DOK7: variants seen among roughly 807,000 people sequenced by gnomAD.
The protein encoded by DOK7 is protein Dok-7.
Under a neutral mutation model 30.7 loss-of-function variants are expected in DOK7, and 32 were observed. The observed-to-expected ratio is 1.04, with a 90% CI of 0.79 to 1.40. The LOEUF (loss-of-function observed/expected upper bound fraction) is 1.40, where lower values mean the gene tolerates loss of function less well. Ranked by LOEUF, DOK7 falls within the 40% of genes most tolerant of loss-of-function variation. DOK7 has a pLI of 0.00. For missense variants in DOK7, 1,007 were observed against 699.2 expected (o/e 1.44, Z -4.97); for synonymous variants, 447 against 324.1 (o/e 1.38, Z -4.07).
At chr4:3,468,261 C>T (rs985356902) in intron 2 of DOK7, among the ~76,000 whole-genome samples, 8 of 149,994 alleles carry the variant, frequency 5.3e-5, no homozygotes, top group Admixed American at 1.3e-4. Flanking sequence ...TGTGTGTCCG[C>T]GTGCATGTGA....
intron 5 of DOK7, among the ~76,000 whole-genome samples, chr4:3,488,393 C>T (rs1727952107): frequency 6.6e-6 from 1 of 152,238 alleles, no homozygotes; most frequent in Non-Finnish European, 1.5e-5. Context: ...AAGGCATCAG[C>T]AGAGGACAGT....
chr4:3,468,156 G>A (rs1392113304), intron 2 of DOK7, among the ~76,000 whole-genome samples: 2 of 147,248 alleles, frequency 1.4e-5, no homozygotes, highest in Non-Finnish European at 2.9e-5. Flanking sequence ...GTATGCAAGT[G>A]TGTGTGTGCA....
intron 5 of DOK7, among the ~76,000 whole-genome samples, chr4:3,488,417 C>A (rs1216281608): frequency 2.6e-5 from 4 of 152,364 alleles, no homozygotes; most frequent in Non-Finnish European, 5.9e-5. Context: ...CTATCAGGGA[C>A]AGGGCCTCTT....
In DOK7 at chr4:3,500,404, G is replaced by A. The variant is rs1729133391; in HGVS notation, c.1261+1G>A. The A allele has an allele frequency of 2.6e-6, 4 of 1,535,710 alleles. No homozygotes were observed. Among genetic ancestry groups the A allele is most frequent in the Non-Finnish European group, 3.5e-6 (4 of 1,146,748 alleles). On this transcript the variant is annotated splice_donor_variant, in intron 7 of 7. Transcript: ENST00000643608. LOFTEE classifies it high-confidence loss of function. ...CAGGAGGCCAGCGAGGGTGTCCGAGGTGGGTCCCCGCCCTGCGTGGAGGCA... is the reference window on the plus strand; with the variant it reads ...CAGGAGGCCAGCGAGGGTGTCCGAGATGGGTCCCCGCCCTGCGTGGAGGCA...
At chr4:3,486,603 G>A (rs1416636643) in intron 5 of DOK7, among the ~76,000 whole-genome samples, 2 of 152,226 alleles carry the variant, frequency 1.3e-5, no homozygotes, top group Non-Finnish European at 2.9e-5. Flanking sequence ...CTGGGAGTGG[G>A]GAGGTGGCAC....
chr4:3,487,629 G>C (rs7687090), intron 5 of DOK7, among the ~76,000 whole-genome samples: 1,859 of 152,308 alleles, frequency 0.012, 40 homozygotes, highest in African/African-American at 0.042. Context: ...GCCTCCACGG[G>C]GGTGCACCGT....
In DOK7 at chr4:3,487,943, C is replaced by T. The variant is rs577921668; in HGVS notation, c.653-1734C>T. 5.3e-5 allele frequency among the ~76,000 whole-genome samples: 8 copies of T among 152,354 alleles called. No homozygotes were observed. In the East Asian group the frequency reaches 1.2e-3, roughly 22 times the overall value. ...AGGAGCCAGGACTGGTGCCTGCTGT[C>T]CTGCCCACGTGGCTGAATGTGTCTG... On this transcript the variant is annotated intron_variant, in intron 5 of 6. Transcript: ENST00000340083.
intron 4 of DOK7, among the ~76,000 whole-genome samples, chr4:3,483,536 C>G (rs947279590): frequency 2.6e-5 from 4 of 152,160 alleles, no homozygotes; most frequent in African/African-American, 9.7e-5. Flanking sequence ...CGTGGGAGCC[C>G]GAGGCTGGCG....
intron 4 of DOK7, chr4:3,484,968 C>A: frequency 1.2e-6 from 1 of 802,444 alleles, no homozygotes; most frequent in Non-Finnish European, 1.5e-6. Flanking sequence ...CAGCTCCCTT[C>A]TCCTGTGGCC....
chr4:3,490,110 C>CCTTTCATTCCTTTTCTCCCTGCT (rs112331566), intron 6 of DOK7, among the ~76,000 whole-genome samples: 1 of 52,736 alleles, frequency 1.9e-5, no homozygotes, highest in Non-Finnish European at 3.3e-5. Context: ...TTCTTCACCC[C>CCTTTCATTCCTTTTCTCCCTGCT]CATTCATTCC....
intron 4 of DOK7, chr4:3,484,525 G>A (rs1015932423): frequency 1.0e-6 from 1 of 985,530 alleles, no homozygotes; most frequent in Non-Finnish European, 1.2e-6. Context: ...CCAGCCGGGT[G>A]CAGCCAGCCC....
At chr4:3,483,189 T>TGGCAG in intron 4 of DOK7, among the ~76,000 whole-genome samples, 1 of 5,004 alleles carries the variant, frequency 2.0e-4, no homozygotes, top group Admixed American at 2.6e-3. Context: ...TGAGTGGAGA[T>TGGCAG]GTAGGGGTGT....
chr4:3,463,715 A>C (rs909632820), intron 2 of DOK7, among the ~76,000 whole-genome samples, 164 bp downstream of exon 2: 2 of 152,116 alleles, frequency 1.3e-5, no homozygotes, highest in Non-Finnish European at 1.5e-5. Context: ...CTGGGAGCGC[A>C]GGTGGGGGCC....
At chr4:3,477,705 G>A (rs567042170) in intron 4 of DOK7, among the ~76,000 whole-genome samples, 4 of 152,198 alleles carry the variant, frequency 2.6e-5, no homozygotes, top group Non-Finnish European at 5.9e-5. Context: ...GAGCTGGCCC[G>A]GAGTCTCGGC....
intron 2 of DOK7, among the ~76,000 whole-genome samples, chr4:3,466,856 C>T (rs560742826): frequency 2.6e-5 from 4 of 152,352 alleles, no homozygotes; most frequent in South Asian, 4.1e-4. Flanking sequence ...CACCACACCT[C>T]CAACACCTGT....
rs147025632 is a variant in DOK7, at chr4:3,488,989, G to A, written c.653-688G>A. On this transcript the variant is annotated intron_variant, in intron 5 of 6. Transcript: ENST00000340083. The stretch of plus-strand genomic sequence containing the variant: ...CAGTGATGCTGAGGCTCGCAGCAGC[G>A]GTGCTGAGGGGCCAGTGAGAGGTCC... Among the ~76,000 whole-genome samples, 990 of 152,336 alleles carry A rather than the reference G, an allele frequency of 6.5e-3. 5 individuals carry two copies. Among genetic ancestry groups the A allele is most frequent in the Non-Finnish European group, 0.011 (751 of 68,018 alleles).
At chr4:3,486,696 G>A (rs1395672185) in intron 5 of DOK7, among the ~76,000 whole-genome samples, 1 of 83,368 alleles carries the variant, frequency 1.2e-5, no homozygotes, top group Non-Finnish European at 2.5e-5. Flanking sequence ...CCTAGTGGAT[G>A]CACCCCTGCA....
intron 4 of DOK7, chr4:3,484,447 T>G: frequency 3.1e-6 from 3 of 976,848 alleles, no homozygotes; most frequent in Non-Finnish European, 3.6e-6. Context: ...CTGCGTACCT[T>G]TCTTTGGGCA....
chr4:3,497,498 A>T (rs7661518), downstream of DOK7, among the ~76,000 whole-genome samples: 18,830 of 151,932 alleles, frequency 0.12, 1,253 homozygotes, highest in African/African-American at 0.14. Context: ...AGCCCTGCTG[A>T]AGGTTGGGCA....
Sources: allele counts gnomAD v4.1 joint callset (sites outside exome capture counted in the v4.1 genomes callset), GRCh38; gene constraint gnomAD v4.1.1; transcripts MANE v1.5; gene names NCBI Gene and HGNC (gene_info 2026-07-23, HGNC 2026-07-21).